TMEM163: variants seen among roughly 807,000 people sequenced by gnomAD.
TMEM163 encodes the protein transmembrane protein 163.
TMEM163 carries 17 observed loss-of-function variants against 29.3 expected under a neutral mutation model. That is an observed-to-expected ratio of 0.58 (90% CI 0.40 to 0.87). The LOEUF (loss-of-function observed/expected upper bound fraction) is 0.87. Ranked by LOEUF, TMEM163 falls within the 40% of genes least tolerant of loss-of-function variation. The probability of loss-of-function intolerance (pLI) is 0.00; values close to 1 mark genes in which losing one functional copy is unlikely to be tolerated. For synonymous variants in TMEM163, 157 were observed against 160.6 expected, an observed-to-expected ratio of 0.98 and a Z score of 0.17; for missense variants, 303 against 381.5, an observed-to-expected ratio of 0.79 and a Z score of 1.71.
chr2:134,605,988 G>C (rs1682346752), intron 2 of TMEM163, among the ~76,000 whole-genome samples: 1 of 152,154 alleles, frequency 6.6e-6, no homozygotes, highest in Admixed American at 6.5e-5. Context: ...ATTTTGGTTG[G>C]GAAGAACATT....
At chr2:134,522,086 C>T (rs769932523) in intron 4 of TMEM163, among the ~76,000 whole-genome samples, 1 of 152,090 alleles carries the variant, frequency 6.6e-6, no homozygotes. Flanking sequence ...TGTTATACTG[C>T]CCCATCCTAG....
At position 134,714,958 on chromosome 2, in the gene TMEM163, C is replaced by T. The variant is rs951552884; in HGVS notation, c.203-1639G>A. On this transcript the variant is annotated intron_variant, in intron 1 of 7. Transcript: ENST00000281924. ...CCTATCCTAGAATGAGCAGATTCCA[C>T]GCACCCTTAATAATTTATGTCCCTT... Among the ~76,000 whole-genome samples, 10 of 152,140 alleles carry T rather than the reference C, an allele frequency of 6.6e-5. 1 individual carries two copies. Among genetic ancestry groups the T allele is most frequent in the South Asian group, 6.2e-4 (3 of 4,822 alleles).
At chr2:134,629,861 A>G (rs1682930285) in intron 2 of TMEM163, among the ~76,000 whole-genome samples, 1 of 152,238 alleles carries the variant, frequency 6.6e-6, no homozygotes, top group African/African-American at 2.4e-5. Context: ...TGTGTAAAGA[A>G]AAGAGTTGAC....
chr2:134,540,835 T>A (rs1311487137), intron 4 of TMEM163, among the ~76,000 whole-genome samples: 1 of 152,168 alleles, frequency 6.6e-6, no homozygotes, highest in Non-Finnish European at 1.5e-5. Flanking sequence ...AAACCTTACA[T>A]AAAATGAAGA....
At chr2:134,707,734 G>A (rs573094026) in intron 2 of TMEM163, among the ~76,000 whole-genome samples, 5 of 151,984 alleles carry the variant, frequency 3.3e-5, no homozygotes, top group Admixed American at 6.6e-5. Context: ...GGGAATGGGC[G>A]CCTGCAGTTG....
Position 134,555,135 on chromosome 2 carries a change from C to G in TMEM163, c.323-3044G>C, listed in dbSNP as rs553417782. Among the ~76,000 whole-genome samples the G allele has an allele frequency of 4.7e-4, 71 of 152,288 alleles. 1 individual carries two copies. Among genetic ancestry groups the G allele is most frequent in the Admixed American group, 2.5e-3 (38 of 15,298 alleles). On this transcript the variant is annotated intron_variant, in intron 2 of 7. Transcript: ENST00000281924. ...GATCTGAATGAAAGAGTTCAGATGGCCTTTCAGGAATTTCTGAAGAGTGTC... is the reference window on the plus strand; with the variant it reads ...GATCTGAATGAAAGAGTTCAGATGGGCTTTCAGGAATTTCTGAAGAGTGTC...
intron 5 of TMEM163, among the ~76,000 whole-genome samples, chr2:134,471,024 T>C (rs1339344700): frequency 6.6e-6 from 1 of 152,076 alleles, no homozygotes. Context: ...ATGTAAATAT[T>C]AGCCAGGCAT....
chr2:134,644,575 T>C (rs1345955134), intron 2 of TMEM163, among the ~76,000 whole-genome samples: 4 of 152,150 alleles, frequency 2.6e-5, no homozygotes, highest in African/African-American at 2.4e-5. Flanking sequence ...TCTATACACA[T>C]CATAATTAGT....
intron 2 of TMEM163, among the ~76,000 whole-genome samples, chr2:134,619,438 G>A (rs1230960151): frequency 1.3e-5 from 2 of 152,150 alleles, no homozygotes; most frequent in African/African-American, 4.8e-5. Context: ...GTAATGCAAG[G>A]TTGGTTTAAC....
chr2:134,584,065 G>A (rs1681756864), intron 2 of TMEM163, among the ~76,000 whole-genome samples: 1 of 152,126 alleles, frequency 6.6e-6, no homozygotes, highest in Non-Finnish European at 1.5e-5. Flanking sequence ...CTGAATAGAT[G>A]GGCTACAAAA....
chr2:134,487,124 T>C (rs1016138567), intron 5 of TMEM163, among the ~76,000 whole-genome samples: 3 of 152,150 alleles, frequency 2.0e-5, no homozygotes, highest in Admixed American at 6.5e-5. Flanking sequence ...ACCAACACTA[T>C]ATTGAAAACC....
intron 4 of TMEM163, among the ~76,000 whole-genome samples, chr2:134,542,906 G>A (rs890961081): frequency 6.6e-6 from 1 of 152,100 alleles, no homozygotes; most frequent in African/African-American, 2.4e-5. Context: ...CTGCCTCCTT[G>A]TCCCGTGGGA....
At chr2:134,483,503 A>G (rs906712462) in intron 5 of TMEM163, among the ~76,000 whole-genome samples, 3 of 152,240 alleles carry the variant, frequency 2.0e-5, no homozygotes, top group Non-Finnish European at 4.4e-5. Flanking sequence ...TAACAACACA[A>G]GCCCATACTA....
At chr2:134,584,579 C>T (rs929804194) in intron 2 of TMEM163, among the ~76,000 whole-genome samples, 1 of 151,748 alleles carries the variant, frequency 6.6e-6, no homozygotes, top group Non-Finnish European at 1.5e-5. Context: ...GATAAAGTAC[C>T]CAGAAACGTA....
chr2:134,717,923 T>C (rs1685069248), intron 1 of TMEM163, among the ~76,000 whole-genome samples: 1 of 152,158 alleles, frequency 6.6e-6, no homozygotes, highest in Non-Finnish European at 1.5e-5. Flanking sequence ...CACTGGCGAC[T>C]CAAGGGGGCA....
At chr2:134,478,112 G>A (rs765090948) in intron 5 of TMEM163, among the ~76,000 whole-genome samples, 4 of 152,138 alleles carry the variant, frequency 2.6e-5, no homozygotes, top group Non-Finnish European at 5.9e-5. Context: ...CCTTGGCTTT[G>A]CCCTTTACCT....
At chr2:134,609,807 A>G (rs1263241915) in intron 2 of TMEM163, among the ~76,000 whole-genome samples, 3 of 119,978 alleles carry the variant, frequency 2.5e-5, no homozygotes, top group African/African-American at 3.3e-5. Context: ...CGAGAACTGT[A>G]CTGGTGAAAA....
At chr2:134,631,071 A>G (rs1682956428) in intron 2 of TMEM163, among the ~76,000 whole-genome samples, 1 of 152,230 alleles carries the variant, frequency 6.6e-6, no homozygotes, top group African/African-American at 2.4e-5. Flanking sequence ...CAAGAACCTA[A>G]AAGGAATGAA....
At chr2:134,534,801 T>C (rs1261951149) in intron 4 of TMEM163, among the ~76,000 whole-genome samples, 2 of 152,058 alleles carry the variant, frequency 1.3e-5, no homozygotes, top group Admixed American at 6.6e-5. Context: ...TTTATTCTAC[T>C]TAGAAAAGGC....
Sources: allele counts gnomAD v4.1 joint callset (sites outside exome capture counted in the v4.1 genomes callset), GRCh38; gene constraint gnomAD v4.1.1; transcripts MANE v1.5; gene names NCBI Gene and HGNC (gene_info 2026-07-23, HGNC 2026-07-21).